The following RNF38 variants were observed in gnomAD, a reference collection of about 807,000 sequenced individuals.
RNF38 encodes ring finger protein 38, also known as E3 ubiquitin-protein ligase RNF38.
Under a neutral mutation model 67.2 loss-of-function variants are expected in RNF38, and 15 were observed. The observed-to-expected ratio is 0.22, with a 90% CI of 0.15 to 0.34. RNF38 has a LOEUF of 0.34. RNF38 is among the 10% of genes least tolerant of loss of function. The probability of loss-of-function intolerance (pLI) is 1.00; values close to 1 mark genes in which losing one functional copy is unlikely to be tolerated. For synonymous variants in RNF38, 220 were observed against 218.8 expected (o/e 1.01, Z -0.05); for missense variants, 524 against 639.9 (o/e 0.82, Z 1.95).
intron 4 of RNF38, among the ~76,000 whole-genome samples, chr9:36,369,490 T>C (rs10972873): frequency 0.19 from 28,456 of 152,180 alleles, 3,235 homozygotes; most frequent in Non-Finnish European, 0.26. Flanking sequence ...GTGCTGGGAT[T>C]ACAGGCATGA....
intron 5 of RNF38, 64 bp from the exon 6 acceptor site, chr9:36,356,537 A>G: frequency 7.3e-7 from 1 of 1,376,060 alleles, no homozygotes. Context: ...TTAAAAGGAT[A>G]GTGAGATTAA....
At chr9:36,448,799 T>A (rs1362616725) in intron 1 of RNF38, among the ~76,000 whole-genome samples, 1 of 138,716 alleles carries the variant, frequency 7.2e-6, no homozygotes, top group Non-Finnish European at 1.6e-5. Context: ...AGGTCAGGAG[T>A]TTGAGACCAG....
At chr9:36,424,539 A>G in intron 2 of RNF38, 2 of 551,270 alleles carry the variant, frequency 3.6e-6, no homozygotes, top group Non-Finnish European at 4.6e-6. Flanking sequence ...CTAGGCCCAG[A>G]GTTACGCAAG....
Position 36,369,916 on chromosome 9 carries a change from G to T in RNF38, c.373C>A (p.Gln125Lys). 6.2e-7 allele frequency: 1 copy of T among 1,612,592 alleles called. No individual in the cohort carries two copies. The highest frequency in any genetic ancestry group is 8.5e-7 in the Non-Finnish European group (1 of 1,179,768). Reference sequence around the variant, plus strand: ...GACAGACGATCCCTTCTTCCTCTCTGGCGCCTGACAGGAGGACTGTGATAA... The same window carrying T: ...GACAGACGATCCCTTCTTCCTCTCTTGCGCCTGACAGGAGGACTGTGATAA... Reference protein sequence around the residue: ...RNRRSPPVRRQRGRRDRLSRH... With the variant: ...RNRRSPPVRRKRGRRDRLSRH... Residue 125 changes from glutamine (Q) to lysine (K), a missense_variant, in exon 4 of 12, where the codon CAG becomes AAG. Physicochemically the swap from Gln to Lys is moderately conservative, Grantham distance 53 (BLOSUM62 1). Transcript: ENST00000259605.
chr9:36,408,957 G>A (rs1315028882), intron 2 of RNF38, among the ~76,000 whole-genome samples: 1 of 152,086 alleles, frequency 6.6e-6, no homozygotes. Flanking sequence ...GAGGCAGAAG[G>A]GAGCGGATCA....
intron 1 of RNF38, among the ~76,000 whole-genome samples, chr9:36,430,739 G>A (rs189440019): frequency 2.0e-5 from 3 of 151,942 alleles, no homozygotes; most frequent in East Asian, 1.9e-4. Context: ...TTCGGGCGGC[G>A]GGGGTGCGGT....
intron 2 of RNF38, among the ~76,000 whole-genome samples, chr9:36,419,436 T>C (rs1015394713): frequency 1.3e-5 from 2 of 152,260 alleles, no homozygotes; most frequent in Admixed American, 1.3e-4. Flanking sequence ...AGAACTCTTC[T>C]ATTTTCGTTT....
rs1363429185 is a variant in RNF38 at position 36,373,590 on chromosome 9, T to C, written c.356+2344A>G. ...GGTGGGTGTATGTATTTGTTAGCCCTTTTTTTTTTTTTTTTTTTAATTTGA... is the reference window on the plus strand; with the variant it reads ...GGTGGGTGTATGTATTTGTTAGCCCCTTTTTTTTTTTTTTTTTTAATTTGA... On this transcript the variant is annotated intron_variant, in intron 3 of 11. Coordinates refer to ENST00000259605, the MANE Select transcript of RNF38 (RefSeq NM_022781.5). Among the ~76,000 whole-genome samples, 25 of 23,500 alleles carry C rather than the reference T, an allele frequency of 1.1e-3. No individual in the cohort carries two copies. The South Asian group carries it at 0.025, about 24-fold the overall frequency. The allele number at this position is 23,500 out of a possible 152,430, so 15.4% of individuals were successfully genotyped here.
intron 1 of RNF38, among the ~76,000 whole-genome samples, chr9:36,395,872 G>C (rs1837475226): frequency 6.6e-6 from 1 of 152,152 alleles, no homozygotes; most frequent in Non-Finnish European, 1.5e-5. Flanking sequence ...CCATTAAAAA[G>C]TAGCAACCAG....
Position 36,356,339 on chromosome 9 carries a change from G to A in RNF38, c.873C>T (p.Gly291=). ...PHHPPHLPPP[G]QFVPFQTQQS... ...GCTGTGTTTGGAAAGGGACAAACTG[G>A]CCTGGTGGTGGCAAATGAGGAGGAT... is the stretch of plus-strand genomic sequence containing the variant. The change falls in exon 6 of 12, where the codon GGC becomes GGT. Residue 291 remains glycine (G), a synonymous_variant. Coordinates refer to ENST00000259605, the MANE Select transcript of RNF38 (RefSeq NM_022781.5). 1 of 1,614,032 alleles carries A rather than the reference G, an allele frequency of 6.2e-7. No homozygotes were observed. Among genetic ancestry groups the A allele is most frequent in the East Asian group, 2.2e-5 (1 of 44,880 alleles).
intron 2 of RNF38, among the ~76,000 whole-genome samples, chr9:36,384,487 T>C (rs1836448010): frequency 6.6e-6 from 1 of 152,146 alleles, no homozygotes; most frequent in African/African-American, 2.4e-5. Flanking sequence ...CACCAACATT[T>C]AATGCTGGGT....
At chr9:36,370,217 G>GA (rs1368645736) in intron 3 of RNF38, among the ~76,000 whole-genome samples, 1 of 152,028 alleles carries the variant, frequency 6.6e-6, no homozygotes, top group Non-Finnish European at 1.5e-5. Context: ...TTTTATAAGT[G>GA]AAAAATAGTC....
chr9:36,463,516 T>G lies in RNF38; in HGVS notation n.241+23792A>C, dbSNP rs573451329. 1.8e-3 allele frequency among the ~76,000 whole-genome samples: 278 copies of G among 152,266 alleles called. 2 individuals are homozygous for G. Among genetic ancestry groups the G allele is most frequent in the African/African-American group, 5.1e-3 (211 of 41,548 alleles). On this transcript the variant is annotated intron_variant and non_coding_transcript_variant, in intron 1 of 3. Transcript: ENST00000488058. The stretch of plus-strand genomic sequence containing the variant: ...TTCTGCTGGGTGTCTCCTTGTAAAT[T>G]CAAGAGCATTTCCATTCAATTTTCA...
At chr9:36,487,621 G>T (rs1175269138), upstream of RNF38, 3 of 973,604 alleles carry the variant, frequency 3.1e-6, no homozygotes, top group Non-Finnish European at 3.7e-6. Context: ...GGCGCTGGCT[G>T]GGCCCCGGCC....
At chr9:36,418,511 C>T (rs1055960558) in intron 2 of RNF38, among the ~76,000 whole-genome samples, 4 of 151,542 alleles carry the variant, frequency 2.6e-5, no homozygotes, top group African/African-American at 4.8e-5. Flanking sequence ...ACAGGCTGGG[C>T]GCAGTGGCTC....
At chr9:36,450,212 C>T (rs1214738763) in intron 1 of RNF38, among the ~76,000 whole-genome samples, 1 of 151,988 alleles carries the variant, frequency 6.6e-6, no homozygotes, top group African/African-American at 2.4e-5. Context: ...TTTTGTTGCC[C>T]CCAACAAAAA....
At chr9:36,485,094 G>A (rs1466494228) in intron 1 of RNF38, among the ~76,000 whole-genome samples, 1 of 152,206 alleles carries the variant, frequency 6.6e-6, no homozygotes, top group Non-Finnish European at 1.5e-5. Flanking sequence ...GTGTGAACCA[G>A]GGAGGCGGAG....
rs769932981 is a variant in RNF38 at position 36,447,452 on chromosome 9, AT to A, written n.242-22770del. ...CATTTACCGTAAATTCAGGAGACGA[AT>A]TTCTAACTAAAATTCTGCTATCTCT... On this transcript the variant is annotated intron_variant and non_coding_transcript_variant, in intron 1 of 3. Coordinates refer to the RNF38 transcript ENST00000488058. 3.9e-5 allele frequency among the ~76,000 whole-genome samples: 6 copies of A among 152,296 alleles called. No individual in the cohort carries two copies. The East Asian group carries it at 1.2e-3, about 29-fold the overall frequency.
intron 9 of RNF38, among the ~76,000 whole-genome samples, chr9:36,346,484 C>T (rs1263206370): frequency 2.0e-5 from 3 of 152,122 alleles, no homozygotes; most frequent in African/African-American, 7.2e-5. Flanking sequence ...AGCCACTATG[C>T]CCAGCCAATT....
Sources: gnomAD v4.1 joint callset for allele counts (sites outside exome capture counted in the v4.1 genomes callset) on GRCh38, gnomAD v4.1.1 for gene constraint, MANE v1.5 for transcripts, NCBI Gene and HGNC (gene_info 2026-07-23, HGNC 2026-07-21) for gene names.